ZNF536: variants seen among roughly 807,000 people sequenced by gnomAD.
ZNF536 encodes the protein zinc finger protein 536.
A neutral mutation model predicts 84.5 loss-of-function variants in ZNF536; 13 were observed. The ratio of observed to expected loss-of-function variants is 0.15; its 90% CI spans 0.10 to 0.24. The LOEUF (loss-of-function observed/expected upper bound fraction) is 0.24. Among genes scored for constraint, ZNF536 ranks in the 10% least tolerant of loss-of-function variants. The probability of loss-of-function intolerance (pLI) is 1.00; values close to 1 mark genes in which losing one functional copy is unlikely to be tolerated. For missense variants in ZNF536, 1,536 were observed against 1,747.5 expected (o/e 0.88, Z 2.16); for synonymous variants, 811 against 742.5 (o/e 1.09, Z -1.50).
downstream of ZNF536, among the ~76,000 whole-genome samples, chr19:30,560,783 G>A (rs1416858658): frequency 3.3e-5 from 5 of 152,212 alleles, no homozygotes; most frequent in Non-Finnish European, 7.3e-5. Flanking sequence ...AATGTTGGGA[G>A]ATGATTATTC....
intron 1 of ZNF536, among the ~76,000 whole-genome samples, chr19:30,566,177 C>T (rs1568560325): frequency 6.6e-6 from 1 of 152,174 alleles, no homozygotes; most frequent in South Asian, 2.1e-4. Flanking sequence ...TGCCCCACAC[C>T]CTGAGTGTCT....
intron 3 of ZNF536, among the ~76,000 whole-genome samples, chr19:30,366,389 T>TATCTATCTATC (rs2146955568): frequency 6.6e-6 from 1 of 151,950 alleles, no homozygotes; most frequent in South Asian, 2.1e-4. Context: ...TCTATCTATC[T>TATCTATCTATC]ATCTATCTAT....
chr19:30,252,454 C>A (rs1268814062), intron 1 of ZNF536, among the ~76,000 whole-genome samples: 2 of 152,066 alleles, frequency 1.3e-5, no homozygotes, highest in African/African-American at 4.8e-5. Context: ...GGGTGCATAC[C>A]CTGGGATGAG....
chr19:30,502,771 G>C (rs1196068152), intron 2 of ZNF536, among the ~76,000 whole-genome samples: 1 of 152,140 alleles, frequency 6.6e-6, no homozygotes, highest in African/African-American at 2.4e-5. Context: ...GGGAGTAGGG[G>C]ACACCAGTGA....
At chr19:30,560,161 A>C (rs2046110601), downstream of ZNF536, among the ~76,000 whole-genome samples, 1 of 151,898 alleles carries the variant, frequency 6.6e-6, no homozygotes, top group Admixed American at 6.6e-5. Context: ...AGTTCTGTGG[A>C]ATGAGCCAAC....
rs187291090 is a variant in ZNF536, at chr19:30,443,572, G to T, written c.10G>T (p.Ala4Ser). Residue 4 changes from alanine to serine, a missense_variant, in exon 2 of 5, where the codon GCG becomes TCG. Coordinates refer to ENST00000355537, the MANE Select transcript of ZNF536 (RefSeq NM_014717.3). MEE[A>S]SLCLGVSSAE... ...GCCTCTCTTTTCAGGGATGGAAGAA[G>T]CGAGCCTGTGCCTTGGAGTGTCTTC... 1.3e-6 allele frequency: 2 copies of T among 1,539,516 alleles called. No homozygotes were observed. The highest frequency in any genetic ancestry group is 2.3e-5 in the East Asian group (1 of 44,272).
At chr19:30,332,419 G>C (rs1377137425) in intron 2 of ZNF536, among the ~76,000 whole-genome samples, 1 of 151,980 alleles carries the variant, frequency 6.6e-6, no homozygotes, top group Admixed American at 6.6e-5. Flanking sequence ...ATGCACCCAG[G>C]CACCCTCAGT....
intron 3 of ZNF536, among the ~76,000 whole-genome samples, chr19:30,366,420 C>G (rs1279410512): frequency 6.6e-6 from 1 of 151,042 alleles, no homozygotes; most frequent in Non-Finnish European, 1.5e-5. Flanking sequence ...TTCCTTCCTT[C>G]TTTCCTTCCT....
At chr19:30,596,461 T>C (rs767265064) in intron 1 of ZNF536, among the ~76,000 whole-genome samples, 2 of 152,194 alleles carry the variant, frequency 1.3e-5, no homozygotes, top group African/African-American at 2.4e-5. Flanking sequence ...GGCACAGCCA[T>C]TGGGGCAGGT....
rs1600129016 is a variant in ZNF536, at chr19:30,299,515, C to G, written c.-120+15374C>G. On this transcript the variant is annotated intron_variant, in intron 2 of 5. Coordinates refer to the ZNF536 transcript ENST00000585628. The stretch of plus-strand genomic sequence containing the variant: ...GGGGGTAGCTTGATCCTTCAAAAGC[C>G]AGAAGAGTCCAGCAATTCAAAGCCA... Among the ~76,000 whole-genome samples, 4 of 152,180 alleles carry G rather than the reference C, an allele frequency of 2.6e-5. No individual in the cohort carries two copies. The South Asian group carries it at 8.3e-4, about 32-fold the overall frequency.
At chr19:30,526,581 G>A (rs1183830844) in intron 2 of ZNF536, among the ~76,000 whole-genome samples, 7 of 145,940 alleles carry the variant, frequency 4.8e-5, no homozygotes, top group African/African-American at 7.3e-5. Flanking sequence ...AAAATTAGCC[G>A]GGCGTAGTGG....
intron 1 of ZNF536, among the ~76,000 whole-genome samples, chr19:30,578,217 A>G (rs567417380): frequency 6.6e-6 from 1 of 152,328 alleles, no homozygotes; most frequent in Admixed American, 6.5e-5. Context: ...CAGCCCGGCA[A>G]TTTCAGATTA....
Position 30,253,881 on chromosome 19 carries a change from AGT to A in ZNF536, c.-190+25210_-190+25211del, listed in dbSNP as rs2024762615. On this transcript the variant is annotated intron_variant, in intron 1 of 5. Transcript: ENST00000585628. ...TCGCAAATAAAAGCCTCATCAGATT[AGT>A]GAGTCAGAAAAGACGCTAATCCCAA... Among the ~76,000 whole-genome samples the A allele has an allele frequency of 3.3e-5, 5 of 152,200 alleles. No homozygotes were observed. In the South Asian group the frequency reaches 1.0e-3, roughly 31 times the overall value.
intron 1 of ZNF536, among the ~76,000 whole-genome samples, chr19:30,396,809 T>C (rs2049842011): frequency 6.6e-6 from 1 of 152,154 alleles, no homozygotes; most frequent in Admixed American, 6.5e-5. Flanking sequence ...TTCACCATGC[T>C]GGCCAGGCTC....
At chr19:30,313,130 C>T (rs528322969) in intron 2 of ZNF536, among the ~76,000 whole-genome samples, 23 of 152,308 alleles carry the variant, frequency 1.5e-4, no homozygotes, top group African/African-American at 2.6e-4. Context: ...ACACAGAGCC[C>T]GGGGCACTCA....
intron 2 of ZNF536, among the ~76,000 whole-genome samples, chr19:30,491,000 G>C (rs898432687): frequency 1.3e-5 from 2 of 152,116 alleles, no homozygotes; most frequent in African/African-American, 4.8e-5. Flanking sequence ...CCCAGGTTAG[G>C]AGGCGGGGGA....
intron 1 of ZNF536, among the ~76,000 whole-genome samples, chr19:30,265,649 C>T (rs996332502): frequency 2.0e-5 from 3 of 152,122 alleles, no homozygotes; most frequent in South Asian, 2.1e-4. Flanking sequence ...GAAAGGATAG[C>T]GAGGGGAGAC....
At chr19:30,703,676 G>A (rs987759860) in intron 1 of ZNF536, among the ~76,000 whole-genome samples, 4 of 152,116 alleles carry the variant, frequency 2.6e-5, no homozygotes, top group Admixed American at 6.5e-5. Context: ...CAGTACTTTC[G>A]ATGAAGAACC....
At chr19:30,678,835 A>G (rs1182943583) in intron 1 of ZNF536, among the ~76,000 whole-genome samples, 1 of 151,700 alleles carries the variant, frequency 6.6e-6, no homozygotes, top group African/African-American at 2.4e-5. Context: ...AAAGAGATTA[A>G]GGAGGCTGAG....
Sources: gnomAD v4.1 joint callset for allele counts (sites outside exome capture counted in the v4.1 genomes callset) on GRCh38, gnomAD v4.1.1 for gene constraint, MANE v1.5 for transcripts, NCBI Gene and HGNC (gene_info 2026-07-23, HGNC 2026-07-21) for gene names.